The following SRBD1 variants were observed in gnomAD, a reference collection of about 807,000 sequenced individuals.
SRBD1 encodes the protein S1 RNA-binding domain-containing protein 1.
In SRBD1, 88 loss-of-function variants were observed where a neutral mutation model predicts 115.3. That is an observed-to-expected ratio of 0.76 (90% CI 0.64 to 0.91). SRBD1 has a LOEUF of 0.91. Among genes scored for constraint, SRBD1 ranks in the 40% least tolerant of loss-of-function variants. SRBD1 has a pLI of 0.00. For synonymous variants in SRBD1, 509 were observed against 407.7 expected (o/e 1.25, Z -2.99); for missense variants, 1,385 against 1,177.4 (o/e 1.18, Z -2.58).
At chr2:45,583,574 A>G (rs1326212007) in intron 5 of SRBD1, among the ~76,000 whole-genome samples, 1 of 152,192 alleles carries the variant, frequency 6.6e-6, no homozygotes, top group Non-Finnish European at 1.5e-5. Context: ...TCATGAAACA[A>G]TATTTGCCTT....
intron 15 of SRBD1, among the ~76,000 whole-genome samples, chr2:45,487,222 G>C (rs1670149050): frequency 6.6e-6 from 1 of 152,078 alleles, no homozygotes; most frequent in African/African-American, 2.4e-5. Flanking sequence ...AATATTTAAG[G>C]AAAAAATTAA....
intron 19 of SRBD1, among the ~76,000 whole-genome samples, chr2:45,399,482 A>G (rs1667235607): frequency 1.3e-5 from 2 of 152,208 alleles, no homozygotes; most frequent in South Asian, 4.1e-4. Flanking sequence ...TCAAATATTT[A>G]TTGTGAATGT....
intron 4 of SRBD1, among the ~76,000 whole-genome samples, chr2:45,588,248 T>C (rs559386592): frequency 3.9e-5 from 6 of 152,340 alleles, no homozygotes; most frequent in Non-Finnish European, 7.4e-5. Context: ...CTCCTTACCA[T>C]GACCCAAAAG....
intron 19 of SRBD1, among the ~76,000 whole-genome samples, chr2:45,397,195 T>C (rs996536569): frequency 3.3e-5 from 5 of 152,138 alleles, no homozygotes; most frequent in African/African-American, 1.2e-4. Flanking sequence ...AAAAGAAAGC[T>C]TATACTCTAA....
At chr2:45,452,260 C>A (rs1194139689) in intron 16 of SRBD1, among the ~76,000 whole-genome samples, 3 of 151,918 alleles carry the variant, frequency 2.0e-5, no homozygotes, top group Non-Finnish European at 4.4e-5. Flanking sequence ...TCTAACTTAA[C>A]TGCAGATTTA....
At chr2:45,493,704 C>A (rs528194917) in intron 14 of SRBD1, among the ~76,000 whole-genome samples, 1 of 151,748 alleles carries the variant, frequency 6.6e-6, no homozygotes, top group South Asian at 2.1e-4. Context: ...ATCCCAGCTA[C>A]TCAGGAGGCT....
At chr2:45,577,945 C>G (rs1233082109) in intron 7 of SRBD1, among the ~76,000 whole-genome samples, 1 of 152,110 alleles carries the variant, frequency 6.6e-6, no homozygotes, top group Admixed American at 6.5e-5. Context: ...TAGTACAGTA[C>G]TACTGTAACT....
intron 14 of SRBD1, among the ~76,000 whole-genome samples, chr2:45,527,400 G>C (rs929970216): frequency 2.6e-5 from 4 of 151,840 alleles, no homozygotes; most frequent in Non-Finnish European, 5.9e-5. Context: ...GGAGAGCACA[G>C]ATGAGGGTGA....
chr2:45,420,531 G>T (rs2112041), intron 16 of SRBD1, among the ~76,000 whole-genome samples: 120,946 of 152,172 alleles, frequency 0.79, 48,844 homozygotes, highest in African/African-American at 0.91. Context: ...TTATTTATTT[G>T]TTAAATATTG....
chr2:45,483,712 G>A (rs1247213874), intron 15 of SRBD1, among the ~76,000 whole-genome samples: 1 of 151,942 alleles, frequency 6.6e-6, no homozygotes, highest in African/African-American at 2.4e-5. Flanking sequence ...CTTGACATCA[G>A]ACAGGAACAG....
chr2:45,467,344 T>G (rs911608018), intron 16 of SRBD1, among the ~76,000 whole-genome samples: 1 of 152,170 alleles, frequency 6.6e-6, no homozygotes, highest in African/African-American at 2.4e-5. Flanking sequence ...TGCATAATCT[T>G]AAGGTTTCTC....
At chr2:45,600,667 T>C (rs192730825) in intron 3 of SRBD1, among the ~76,000 whole-genome samples, 64 of 152,116 alleles carry the variant, frequency 4.2e-4, no homozygotes, top group African/African-American at 1.5e-3. Context: ...TGCCCCCCAA[T>C]CCAAGTGACA....
At chr2:45,417,214 T>A (rs889714630) in intron 18 of SRBD1, among the ~76,000 whole-genome samples, 2 of 152,206 alleles carry the variant, frequency 1.3e-5, no homozygotes, top group Non-Finnish European at 2.9e-5. Context: ...GCTTTTACAG[T>A]TTTTTACTTT....
chr2:45,606,568 A>G (rs141825431), intron 1 of SRBD1, among the ~76,000 whole-genome samples: 1 of 152,338 alleles, frequency 6.6e-6, no homozygotes, highest in African/African-American at 2.4e-5. Flanking sequence ...TTAAAACAAG[A>G]TAATCATTCC....
At chr2:45,438,648 G>C (rs1668571573) in intron 16 of SRBD1, among the ~76,000 whole-genome samples, 1 of 151,902 alleles carries the variant, frequency 6.6e-6, no homozygotes, top group South Asian at 2.1e-4. Flanking sequence ...CACGAAGAGA[G>C]ATATGCAGAA....
intron 14 of SRBD1, among the ~76,000 whole-genome samples, chr2:45,510,642 C>T (rs568680407): frequency 1.6e-4 from 24 of 152,316 alleles, no homozygotes; most frequent in African/African-American, 5.5e-4. Context: ...CCACTTCAGG[C>T]CCAAGACTAA....
intron 19 of SRBD1, among the ~76,000 whole-genome samples, chr2:45,405,995 C>T (rs569221433): frequency 6.6e-6 from 1 of 152,220 alleles, no homozygotes; most frequent in South Asian, 2.1e-4. Flanking sequence ...AATAATACAT[C>T]TTTGGCCAAA....
rs1434988233 is a variant in SRBD1, at chr2:45,559,131, C to T, written c.1409+3522G>A. ...CTATCTACTTATTCCCTATTGCTAC[C>T]ACCCTAGTCTAAGCTACCATAATCT... On this transcript the variant is annotated intron_variant, in intron 10 of 20. Transcript: ENST00000263736. 3.3e-5 allele frequency among the ~76,000 whole-genome samples: 5 copies of T among 152,122 alleles called. 1 individual carries two copies. Among genetic ancestry groups the T allele is most frequent in the Non-Finnish European group, 5.9e-5 (4 of 68,028 alleles).
chr2:45,578,114 G>A (rs1336509164), intron 7 of SRBD1, among the ~76,000 whole-genome samples: 1 of 152,156 alleles, frequency 6.6e-6, no homozygotes, highest in African/African-American at 2.4e-5. Context: ...AGAGACCTTG[G>A]TACCAAAGGT....
Sources: allele counts gnomAD v4.1 joint callset (sites outside exome capture counted in the v4.1 genomes callset), GRCh38; gene constraint gnomAD v4.1.1; transcripts MANE v1.5; gene names NCBI Gene and HGNC (gene_info 2026-07-23, HGNC 2026-07-21).